The following COL18A1 variants were observed in gnomAD, a reference collection of about 807,000 sequenced individuals.
COL18A1 encodes the protein collagen alpha-1(XVIII) chain.
A neutral mutation model predicts 168.0 loss-of-function variants in COL18A1; 133 were observed. The observed-to-expected ratio is 0.79, with a 90% CI of 0.69 to 0.91. COL18A1 has a LOEUF of 0.91. COL18A1 is among the 40% of genes least tolerant of loss of function. The pLI is 0.00. For missense variants in COL18A1, 2,126 were observed against 1,925.4 expected (o/e 1.10, Z -1.95); for synonymous variants, 949 against 809.0 (o/e 1.17, Z -2.94).
intron 6 of COL18A1, among the ~76,000 whole-genome samples, chr21:45,476,947 GT>G (rs1568903287): frequency 2.0e-5 from 3 of 151,858 alleles, no homozygotes; most frequent in Non-Finnish European, 2.9e-5. Flanking sequence ...GTGTGTGTGT[GT>G]GTGGCAGGTG....
chr21:45,447,905 C>A (rs544707447), intron 2 of COL18A1, among the ~76,000 whole-genome samples: 24 of 152,246 alleles, frequency 1.6e-4, no homozygotes, highest in African/African-American at 5.8e-4. Context: ...GCCCCCCTTG[C>A]AGCAGCATTC....
chr21:45,456,203 G>A, intron 2 of COL18A1: 4 of 1,604,808 alleles, frequency 2.5e-6, no homozygotes, highest in Non-Finnish European at 3.4e-6. Flanking sequence ...CTCCTTGCTG[G>A]GCGGGGCCCC....
chr21:45,494,216 G>A lies in COL18A1; in HGVS notation c.2353-329G>A. On this transcript the variant is annotated intron_variant, in intron 26 of 41. Transcript: ENST00000651438. Reference sequence around the variant, plus strand: ...CAGCTGTGCATTGGAGCTGGGGCCTGTGGCAACCAGGACACTGCGTGGCAC... The same window carrying A: ...CAGCTGTGCATTGGAGCTGGGGCCTATGGCAACCAGGACACTGCGTGGCAC... 9.6e-6 allele frequency: 5 copies of A among 520,744 alleles called. No homozygotes were observed. The South Asian group carries it at 1.0e-4, about 11-fold the overall frequency. 32.3% of individuals were successfully genotyped at this position (520,744 alleles called of 1,614,324 possible).
intron 16 of COL18A1, 82 bp from the exon 17 acceptor site, chr21:45,487,365 C>G: frequency 6.5e-7 from 1 of 1,527,032 alleles, no homozygotes; most frequent in Non-Finnish European, 9.0e-7. Flanking sequence ...TCCCACCCTC[C>G]TCTCGGGCAG....
chr21:45,410,015 T>G (rs915571427), intron 2 of COL18A1: 1 of 152,176 alleles, frequency 6.6e-6, no homozygotes, highest in Non-Finnish European at 1.5e-5. Flanking sequence ...GGAGGAGCTT[T>G]TGATCACGGA....
At chr21:45,497,229 A>G (rs1388359995) in intron 31 of COL18A1, 137 bp downstream of exon 31, 5 of 720,168 alleles carry the variant, frequency 6.9e-6, no homozygotes, top group Non-Finnish European at 1.2e-5. Flanking sequence ...CCCACGCCCC[A>G]GTTCCGATGA....
At chr21:45,503,713 C>G (rs540540108) in intron 32 of COL18A1, among the ~76,000 whole-genome samples, 513 of 151,480 alleles carry the variant, frequency 3.4e-3, no homozygotes, top group Non-Finnish European at 5.7e-3. Context: ...GTGCAGCACA[C>G]CAGCATGGCA....
chr21:45,512,038 G>T (rs1177466227), intron 41 of COL18A1, 150 bp from the exon 42 acceptor site: 6 of 811,080 alleles, frequency 7.4e-6, no homozygotes, highest in Non-Finnish European at 1.0e-5. Flanking sequence ...CAGCAGGGAG[G>T]CCATGTGGCC....
chr21:45,512,603 G>GACATT lies in COL18A1; in HGVS notation c.*206_*210dup, dbSNP rs1218825388. ...AAGTTTAAAACAGAAGCCTGATGCTGACATTCACCTGCCCCAACTCTCCCC... is the reference window on the plus strand; with the variant it reads ...AAGTTTAAAACAGAAGCCTGATGCTGACATTACATTCACCTGCCCCAACTCTCCCC... On this transcript the variant is annotated 3_prime_UTR_variant, in exon 42 of 42. Transcript: ENST00000651438. 1.6e-6 allele frequency: 1 copy of GACATT among 617,150 alleles called. No homozygotes were observed. The highest frequency in any genetic ancestry group is 2.8e-6 in the Non-Finnish European group (1 of 352,146). 38.2% of individuals were successfully genotyped at this position (617,150 alleles called of 1,614,324 possible).
intron 14 of COL18A1, 30 bp from the exon 15 acceptor site, chr21:45,482,765 T>C (rs2035945309): frequency 6.2e-7 from 1 of 1,614,038 alleles, no homozygotes; most frequent in Non-Finnish European, 8.5e-7. Flanking sequence ...CAAGTCTGAT[T>C]TTGTCATAAT....
At chr21:45,431,456 AGGGGGG>A (rs2033958627) in intron 2 of COL18A1, among the ~76,000 whole-genome samples, 2 of 27,968 alleles carry the variant, frequency 7.2e-5, no homozygotes, top group African/African-American at 2.6e-4. Context: ...GGCCCAGGGG[AGGGGGG>A]CAGGCAGGAC....
At chr21:45,446,050 G>GT (rs566224156) in intron 2 of COL18A1, among the ~76,000 whole-genome samples, 11 of 152,106 alleles carry the variant, frequency 7.2e-5, no homozygotes, top group African/African-American at 1.2e-4. Flanking sequence ...ACCTTCAAAA[G>GT]TTTTTTTATT....
rs2035758796 is a variant in COL18A1, at chr21:45,478,357, A to G, written c.1248+4A>G. On this transcript the variant is annotated splice_donor_region_variant and intron_variant, in intron 9 of 41. Transcript: ENST00000651438. ...CCCCGGTGAAGACGGAAAGCCGGTG[A>G]GTCTGCTTTTCTTTCTGACCCCTGT... The G allele has an allele frequency of 6.2e-7, 1 of 1,614,104 alleles. No individual in the cohort carries two copies. Among genetic ancestry groups the G allele is most frequent in the East Asian group, 2.2e-5 (1 of 44,874 alleles).
intron 2 of COL18A1, among the ~76,000 whole-genome samples, chr21:45,409,041 T>TGAGCACAGCCCCCAGGCTGG (rs1555967388): frequency 2.0e-5 from 3 of 151,818 alleles, no homozygotes; most frequent in East Asian, 2.0e-4. Flanking sequence ...AAGCTGGCTG[T>TGAGCACAGCCCCCAGGCTGG]GGCTGTGTCT....
chr21:45,496,597 C>T (rs370942568), intron 30 of COL18A1, 29 bp downstream of exon 30: 3 of 1,077,974 alleles, frequency 2.8e-6, no homozygotes, highest in Non-Finnish European at 4.2e-6. Flanking sequence ...CACTGTCCTA[C>T]AGCCACCCTT....
At chr21:45,444,950 G>C (rs1173926051) in intron 2 of COL18A1, among the ~76,000 whole-genome samples, 2 of 152,166 alleles carry the variant, frequency 1.3e-5, no homozygotes, top group Admixed American at 1.3e-4. Flanking sequence ...AATGTGATGT[G>C]GGTCTCCCTT....
intron 40 of COL18A1, 80 bp from the exon 41 acceptor site, chr21:45,511,020 CACACCCCACAT>C (rs2037565749): frequency 4.5e-5 from 3 of 66,676 alleles, no homozygotes; most frequent in African/African-American, 4.6e-4. Flanking sequence ...CCCACACATC[CACACCCCACAT>C]CCACACACCC....
chr21:45,427,364 G>A (rs1028890919), intron 2 of COL18A1, among the ~76,000 whole-genome samples: 3 of 152,310 alleles, frequency 2.0e-5, no homozygotes, highest in African/African-American at 4.8e-5. Context: ...GAGGCCAGAT[G>A]TGGCCCCTAG....
chr21:45,427,976 G>A (rs1445687282), intron 2 of COL18A1, among the ~76,000 whole-genome samples: 1 of 152,194 alleles, frequency 6.6e-6, no homozygotes, highest in Non-Finnish European at 1.5e-5. Context: ...CCCTGGCCCT[G>A]CAGAGCCGGG....
Sources: gnomAD v4.1 joint callset for allele counts (sites outside exome capture counted in the v4.1 genomes callset) on GRCh38, gnomAD v4.1.1 for gene constraint, MANE v1.5 for transcripts, NCBI Gene and HGNC (gene_info 2026-07-23, HGNC 2026-07-21) for gene names.